The following PRKCB variants were observed in gnomAD, a reference collection of about 807,000 sequenced individuals.
PRKCB encodes the protein protein kinase C beta, also known as protein kinase C beta type.
In PRKCB, 13 loss-of-function variants were observed where a neutral mutation model predicts 81.5. That is an observed-to-expected ratio of 0.16 (90% CI 0.10 to 0.25). The LOEUF (loss-of-function observed/expected upper bound fraction) is 0.25. PRKCB is among the 10% of genes least tolerant of loss of function. The pLI, the probability that PRKCB is intolerant of heterozygous loss-of-function variation, is 1.00. For synonymous variants in PRKCB, 335 were observed against 321.4 expected (o/e 1.04, Z -0.45); for missense variants, 509 against 875.7 (o/e 0.58, Z 5.29).
chr16:24,113,158 T>G, intron 8 of PRKCB, 89 bp downstream of exon 8: 1 of 927,958 alleles, frequency 1.1e-6, no homozygotes, highest in African/African-American at 1.7e-5. Context: ...TTTCTCTTTC[T>G]CTCTTATTCT....
chr16:23,864,172 G>A lies in PRKCB; in HGVS notation c.205+26766G>A, dbSNP rs561703352. Among the ~76,000 whole-genome samples, 378 of 152,276 alleles carry A rather than the reference G, an allele frequency of 2.5e-3. 4 individuals carry two copies. The South Asian group carries it at 0.027, about 11-fold the overall frequency. On this transcript the variant is annotated intron_variant, in intron 2 of 16. Coordinates refer to ENST00000643927, the MANE Select transcript of PRKCB (RefSeq NM_002738.7). ...TTTAGGAACAGAAATGGTCCCTTCCGAAGTAGAGGCATTTCTACTTCTTTC... is the reference window on the plus strand; with the variant it reads ...TTTAGGAACAGAAATGGTCCCTTCCAAAGTAGAGGCATTTCTACTTCTTTC...
intron 2 of PRKCB, among the ~76,000 whole-genome samples, chr16:23,959,455 G>A (rs942978975): frequency 6.6e-6 from 1 of 152,216 alleles, no homozygotes; most frequent in Admixed American, 6.5e-5. Flanking sequence ...GAAAAACGGG[G>A]TGAATGTACG....
At chr16:24,183,111 C>T (rs1045984995) in intron 13 of PRKCB, among the ~76,000 whole-genome samples, 10 of 152,190 alleles carry the variant, frequency 6.6e-5, no homozygotes, top group South Asian at 2.1e-4. Context: ...CCGCCCGCCT[C>T]GGCCTCCCAA....
intron 12 of PRKCB, among the ~76,000 whole-genome samples, chr16:24,179,409 G>A (rs1329855049): frequency 1.3e-5 from 2 of 152,192 alleles, no homozygotes; most frequent in Admixed American, 6.5e-5. Flanking sequence ...CAAGATGACC[G>A]AAGGGAAAGA....
chr16:24,154,761 T>C lies in PRKCB; in HGVS notation c.1143T>C (p.Asp381=). The C allele has an allele frequency of 6.2e-7, 1 of 1,614,188 alleles. No homozygotes were observed. Residue 381 remains aspartate, a synonymous_variant, in exon 10 of 17, where the codon GAT becomes GAC. Transcript: ENST00000643927. ...KILKKDVVIQ[D]DDVECTMVEK... is the part of the protein sequence containing the mutation. ...TGAAGAAGGACGTTGTGATCCAAGATGATGACGTGGAGTGCACTATGGTGG... is the reference window on the plus strand; with the variant it reads ...TGAAGAAGGACGTTGTGATCCAAGACGATGACGTGGAGTGCACTATGGTGG...
intron 8 of PRKCB, among the ~76,000 whole-genome samples, chr16:24,119,927 A>T (rs1176835417): frequency 6.6e-6 from 1 of 152,202 alleles, no homozygotes; most frequent in African/African-American, 2.4e-5. Context: ...TATTCACAGC[A>T]GCGTTGTTAG....
intron 5 of PRKCB, among the ~76,000 whole-genome samples, chr16:24,043,555 C>T (rs1965727812): frequency 6.6e-6 from 1 of 152,128 alleles, no homozygotes; most frequent in East Asian, 1.9e-4. Flanking sequence ...TCTTGCCCAT[C>T]CTTCCTTCAA....
At chr16:23,980,057 C>G (rs899686112) in intron 2 of PRKCB, among the ~76,000 whole-genome samples, 1 of 152,198 alleles carries the variant, frequency 6.6e-6, no homozygotes, top group East Asian at 1.9e-4. Context: ...TGCACTCCAG[C>G]CTGGGTGACA....
Position 24,217,165 on chromosome 16 carries a change from A to AGAAG in PRKCB, c.*2365_*2368dup, listed in dbSNP as rs777160320. 6.4e-5 allele frequency: 63 copies of AGAAG among 981,604 alleles called. No homozygotes were observed. Among genetic ancestry groups the AGAAG allele is most frequent in the East Asian group, 4.5e-4 (4 of 8,802 alleles). The allele number at this position is 981,604 out of a possible 1,614,324, so 60.8% of individuals were successfully genotyped here. A position where few individuals can be genotyped will look rare whatever the true frequency, so the allele number is the denominator to read the frequency against. Reference sequence around the variant, plus strand: ...GGAAGGAAGGAAAGAAGGAAGGAAAAGAAGGAAGGAAGGAAGGAATATAGT... The same window carrying AGAAG: ...GGAAGGAAGGAAAGAAGGAAGGAAAAGAAGGAAGGAAGGAAGGAAGGAATATAGT... On this transcript the variant is annotated 3_prime_UTR_variant, in exon 17 of 17. Transcript: ENST00000643927.
At chr16:23,952,286 C>G (rs934490977) in intron 2 of PRKCB, among the ~76,000 whole-genome samples, 8 of 152,208 alleles carry the variant, frequency 5.3e-5, no homozygotes, top group African/African-American at 1.9e-4. Context: ...GCCTCCGCCT[C>G]TTTGAGCAGG....
At chr16:24,021,648 G>T (rs1219214297) in intron 3 of PRKCB, among the ~76,000 whole-genome samples, 2 of 151,978 alleles carry the variant, frequency 1.3e-5, no homozygotes, top group African/African-American at 2.4e-5. Context: ...GGACACTGAG[G>T]GGTTCCCACT....
chr16:23,951,729 T>C (rs1389211690), intron 2 of PRKCB, among the ~76,000 whole-genome samples: 1 of 152,028 alleles, frequency 6.6e-6, no homozygotes, highest in Non-Finnish European at 1.5e-5. Flanking sequence ...CCTGTCTTTT[T>C]TTTTTTAATT....
chr16:24,130,387 C>A (rs1966851646), intron 9 of PRKCB, among the ~76,000 whole-genome samples: 1 of 152,026 alleles, frequency 6.6e-6, no homozygotes, highest in South Asian at 2.1e-4. Flanking sequence ...CGAGCTATAG[C>A]TAAAGGACGA....
chr16:24,195,239 C>A (rs930738095), intron 16 of PRKCB, among the ~76,000 whole-genome samples: 2 of 151,818 alleles, frequency 1.3e-5, no homozygotes, highest in African/African-American at 4.8e-5. Context: ...CCCATTTGAT[C>A]CAGCCTGCCT....
chr16:23,883,566 G>C (rs1567301783), intron 2 of PRKCB, among the ~76,000 whole-genome samples: 1 of 152,226 alleles, frequency 6.6e-6, no homozygotes, highest in Non-Finnish European at 1.5e-5. Context: ...GTAGAGAATG[G>C]ATTGTTGGGG....
intron 2 of PRKCB, among the ~76,000 whole-genome samples, chr16:23,897,963 A>T (rs940017384): frequency 4.0e-4 from 60 of 151,830 alleles, no homozygotes; most frequent in Non-Finnish European, 7.9e-4. Flanking sequence ...CAATGGCGTG[A>T]TCTCGGCTCA....
At chr16:24,050,596 CA>C (rs765217295) in intron 5 of PRKCB, among the ~76,000 whole-genome samples, 1 of 152,182 alleles carries the variant, frequency 6.6e-6, no homozygotes, top group Non-Finnish European at 1.5e-5. Flanking sequence ...TACTTATGCT[CA>C]CCACACACTC....
At chr16:24,099,255 C>T (rs1334432070) in intron 7 of PRKCB, 2 of 152,198 alleles carry the variant, frequency 1.3e-5, no homozygotes, top group Non-Finnish European at 2.9e-5. Context: ...CTTAGACTTT[C>T]TCATGCACTT....
intron 2 of PRKCB, among the ~76,000 whole-genome samples, chr16:23,881,974 CT>C (rs1442850562): frequency 4.3e-4 from 8 of 18,472 alleles, no homozygotes; most frequent in African/African-American, 4.9e-4. Context: ...TCCTTTCTTT[CT>C]TTCTTTCTTT....
Sources: gnomAD v4.1 joint callset for allele counts (sites outside exome capture counted in the v4.1 genomes callset) on GRCh38, gnomAD v4.1.1 for gene constraint, MANE v1.5 for transcripts, NCBI Gene and HGNC (gene_info 2026-07-23, HGNC 2026-07-21) for gene names.